Variants in DENND1A observed in about 807,000 individuals in gnomAD.
DENND1A encodes DENN domain containing 1A, also known as DENN domain-containing protein 1A.
A neutral mutation model predicts 113.7 loss-of-function variants in DENND1A; 51 were observed. The ratio of observed to expected loss-of-function variants is 0.45; its 90% CI spans 0.36 to 0.57. The LOEUF (loss-of-function observed/expected upper bound fraction) is 0.57, where lower values mean the gene tolerates loss of function less well. Ranked by LOEUF, DENND1A falls within the 20% of genes least tolerant of loss-of-function variation. DENND1A has a pLI of 0.00. For missense variants in DENND1A, 1,258 were observed against 1,395.9 expected, an observed-to-expected ratio of 0.90 and a Z score of 1.57; for synonymous variants, 565 against 570.8, an observed-to-expected ratio of 0.99 and a Z score of 0.14.
chr9:123,554,597 C>T (rs1180651965), intron 13 of DENND1A, among the ~76,000 whole-genome samples: 1 of 152,150 alleles, frequency 6.6e-6, no homozygotes, highest in African/African-American at 2.4e-5. Context: ...TGGAAAATTC[C>T]AGGCCTTCTG....
chr9:123,817,341 G>A (rs1837663982), intron 2 of DENND1A, among the ~76,000 whole-genome samples: 1 of 152,112 alleles, frequency 6.6e-6, no homozygotes, highest in African/African-American at 2.4e-5. Flanking sequence ...GGTTAAAAAA[G>A]ATAAATGTGT....
chr9:123,902,757 G>A (rs1275892058), intron 1 of DENND1A, among the ~76,000 whole-genome samples: 1 of 143,728 alleles, frequency 7.0e-6, no homozygotes, highest in African/African-American at 2.5e-5. Context: ...TATAAAACAG[G>A]AACAAAAAGC....
chr9:123,831,845 T>G (rs2132788352), intron 2 of DENND1A, among the ~76,000 whole-genome samples: 1 of 152,196 alleles, frequency 6.6e-6, no homozygotes, highest in Non-Finnish European at 1.5e-5. Context: ...GAGACAGGCA[T>G]GGTGGTGAGT....
intron 18 of DENND1A, 97 bp from the exon 19 acceptor site, chr9:123,440,588 C>T (rs1051253394): frequency 1.1e-5 from 16 of 1,410,502 alleles, no homozygotes; most frequent in Middle Eastern, 4.7e-4. Flanking sequence ...CGACTCTCTC[C>T]GTGACATTCT....
rs188996814 is a variant in DENND1A at position 123,440,939 on chromosome 9, C to T, written c.1357-448G>A. Among the ~76,000 whole-genome samples, 56 of 152,198 alleles carry T rather than the reference C, an allele frequency of 3.7e-4. No individual in the cohort carries two copies. In the Middle Eastern group the frequency reaches 0.01, roughly 28 times the overall value. ...TTTACTGAATGCATATTTCATTGAG[C>T]GGATATACAATAATTTAATATACCA... is the stretch of plus-strand genomic sequence containing the variant. On this transcript the variant is annotated intron_variant, in intron 18 of 23. Coordinates refer to ENST00000394215, the MANE Select transcript of DENND1A (RefSeq NM_001352964.2).
At chr9:123,796,857 T>C (rs1833864323) in intron 2 of DENND1A, among the ~76,000 whole-genome samples, 1 of 152,000 alleles carries the variant, frequency 6.6e-6, no homozygotes, top group African/African-American at 2.4e-5. Flanking sequence ...AGTCAAGGCA[T>C]GACATATTTT....
intron 22 of DENND1A, 93 bp from the exon 23 acceptor site, chr9:123,384,006 G>C (rs2042427028): frequency 3.3e-6 from 5 of 1,504,802 alleles, no homozygotes; most frequent in Non-Finnish European, 4.5e-6. Flanking sequence ...GGCTTGAGGG[G>C]TGCACGCAGG....
In DENND1A at chr9:123,861,087, A is replaced by C. The variant is rs564457227; in HGVS notation, c.88+17864T>G. Among the ~76,000 whole-genome samples the C allele has an allele frequency of 1.4e-4, 21 of 152,280 alleles. No homozygotes were observed. The South Asian group carries it at 2.5e-3, about 18-fold the overall frequency. ...GTAAGAGTCAGACCACATTCTCTTTATCAAACTTGGAAGGGATCTTAAGGT... is the reference window on the plus strand; with the variant it reads ...GTAAGAGTCAGACCACATTCTCTTTCTCAAACTTGGAAGGGATCTTAAGGT... On this transcript the variant is annotated intron_variant, in intron 2 of 23. Coordinates refer to ENST00000394215, the MANE Select transcript of DENND1A (RefSeq NM_001352964.2).
intron 13 of DENND1A, among the ~76,000 whole-genome samples, chr9:123,510,774 G>A (rs572423691): frequency 2.0e-5 from 3 of 152,342 alleles, no homozygotes; most frequent in African/African-American, 7.2e-5. Context: ...ACAGAAGGTG[G>A]AGGAGCAGAA....
intron 2 of DENND1A, among the ~76,000 whole-genome samples, chr9:123,859,869 T>C (rs919727949): frequency 6.6e-6 from 1 of 152,110 alleles, no homozygotes. Flanking sequence ...AAGATGAAGC[T>C]GGATAGGGAA....
chr9:123,698,185 G>A (rs2065645398), intron 5 of DENND1A, among the ~76,000 whole-genome samples: 1 of 152,200 alleles, frequency 6.6e-6, no homozygotes, highest in Non-Finnish European at 1.5e-5. Flanking sequence ...CAAATAAGGT[G>A]AGGAAAAGTC....
chr9:123,577,710 A>T (rs1329730344), intron 12 of DENND1A, among the ~76,000 whole-genome samples: 2 of 150,918 alleles, frequency 1.3e-5, no homozygotes, highest in Non-Finnish European at 2.9e-5. Flanking sequence ...ATCGAAGTTT[A>T]ACATACACAC....
chr9:123,820,971 G>A (rs925677047), intron 2 of DENND1A, among the ~76,000 whole-genome samples: 1 of 152,152 alleles, frequency 6.6e-6, no homozygotes, highest in Admixed American at 6.5e-5. Flanking sequence ...TTAGTAAAAT[G>A]AAGAAGCATA....
At chr9:123,575,588 T>A (rs1385942561) in intron 12 of DENND1A, among the ~76,000 whole-genome samples, 1 of 152,220 alleles carries the variant, frequency 6.6e-6, no homozygotes, top group East Asian at 1.9e-4. Flanking sequence ...TTAAAATTGA[T>A]CGTTTGGTTA....
At chr9:123,450,417 C>CAG (rs2047634755) in intron 18 of DENND1A, among the ~76,000 whole-genome samples, 1 of 152,328 alleles carries the variant, frequency 6.6e-6, no homozygotes, top group East Asian at 1.9e-4. Flanking sequence ...CCTGTGAACT[C>CAG]AGGCCTGGTG....
At chr9:123,737,408 G>A (rs1383133150) in intron 5 of DENND1A, among the ~76,000 whole-genome samples, 2 of 151,986 alleles carry the variant, frequency 1.3e-5, no homozygotes, top group Non-Finnish European at 2.9e-5. Context: ...GGCTGTTCTC[G>A]AACTCCTGGG....
chr9:123,902,188 CACACACACACACACACACAT>C (rs1564473174), intron 1 of DENND1A, among the ~76,000 whole-genome samples: 24 of 151,162 alleles, frequency 1.6e-4, no homozygotes, highest in African/African-American at 5.6e-4. Context: ...CACACACACA[CACACACACACACACACACAT>C]ACACACACAC....
intron 13 of DENND1A, among the ~76,000 whole-genome samples, chr9:123,518,247 T>C (rs1443771002): frequency 6.6e-6 from 1 of 152,204 alleles, no homozygotes; most frequent in Non-Finnish European, 1.5e-5. Context: ...CTCGACATCA[T>C]TAATTTAGTT....
At chr9:123,494,464 G>T (rs1056169484) in intron 13 of DENND1A, among the ~76,000 whole-genome samples, 1 of 152,244 alleles carries the variant, frequency 6.6e-6, no homozygotes, top group East Asian at 1.9e-4. Context: ...ATAGACCTAG[G>T]ACTAGAAACC....
Sources: gnomAD v4.1 joint callset for allele counts (sites outside exome capture counted in the v4.1 genomes callset) on GRCh38, gnomAD v4.1.1 for gene constraint, MANE v1.5 for transcripts, NCBI Gene and HGNC (gene_info 2026-07-23, HGNC 2026-07-21) for gene names.